ADGB: variants seen among roughly 807,000 people sequenced by gnomAD.
ADGB encodes the protein calpain-7-like protein.
A neutral mutation model predicts 210.5 loss-of-function variants in ADGB; 172 were observed. The ratio of observed to expected loss-of-function variants is 0.82; its 90% confidence interval spans 0.72 to 0.93. The LOEUF (loss-of-function observed/expected upper bound fraction) is 0.93, where lower values mean the gene tolerates loss of function less well. Among genes scored for constraint, ADGB ranks in the 40% least tolerant of loss-of-function variants. The probability of loss-of-function intolerance (pLI) is 0.00; values close to 1 mark genes in which losing one functional copy is unlikely to be tolerated. For missense variants in ADGB, 2,025 were observed against 1,964.8 expected, an observed-to-expected ratio of 1.03 and a Z score of -0.58; for synonymous variants, 658 against 662.7, an observed-to-expected ratio of 0.99 and a Z score of 0.11.
chr6:146,669,648 T>A lies in ADGB; in HGVS notation c.840-2572T>A, dbSNP rs145334193. On this transcript the variant is annotated intron_variant, in intron 7 of 35. Coordinates refer to ENST00000397944, the MANE Select transcript of ADGB (RefSeq NM_024694.4). ...TTTTCTCCTTCTTATTTTCTGCTCT[T>A]TCTCAGGCTTCTTGGATAGTTCCTC... Among the ~76,000 whole-genome samples the A allele has an allele frequency of 1.3e-4, 20 of 152,216 alleles. No homozygotes were observed. In the East Asian group the frequency reaches 3.7e-3, roughly 28 times the overall value.
intron 1 of ADGB, among the ~76,000 whole-genome samples, chr6:146,632,444 C>T (rs759590972): frequency 2.6e-5 from 4 of 152,168 alleles, no homozygotes; most frequent in Non-Finnish European, 4.4e-5. Context: ...GATACTTAAT[C>T]ACATCTACAA....
chr6:146,633,937 A>G (rs540818079), intron 1 of ADGB, among the ~76,000 whole-genome samples: 1 of 152,250 alleles, frequency 6.6e-6, no homozygotes, highest in East Asian at 1.9e-4. Context: ...GGTCTTCAGT[A>G]GTGTACAGTA....
chr6:146,642,171 CTTA>C (rs1232524451), intron 2 of ADGB, among the ~76,000 whole-genome samples: 1 of 151,002 alleles, frequency 6.6e-6, no homozygotes, highest in Non-Finnish European at 1.5e-5. Context: ...CTCAATATTA[CTTA>C]TTATTAGAAA....
At chr6:146,659,072 C>T (rs909993810) in intron 5 of ADGB, among the ~76,000 whole-genome samples, 21 of 152,160 alleles carry the variant, frequency 1.4e-4, no homozygotes, top group Admixed American at 1.1e-3. Context: ...TATCTGTGTA[C>T]ATATTAACAT....
chr6:146,717,655 G>C, intron 16 of ADGB, 56 bp downstream of exon 16: 1 of 812,858 alleles, frequency 1.2e-6, no homozygotes, highest in Non-Finnish European at 1.8e-6. Flanking sequence ...AATTGCACCC[G>C]TAGAAAACAT....
chr6:146,805,341 C>T (rs1191144238), intron 35 of ADGB, among the ~76,000 whole-genome samples: 1 of 152,182 alleles, frequency 6.6e-6, no homozygotes, highest in Non-Finnish European at 1.5e-5. Flanking sequence ...CACTGTGAGG[C>T]AATGCATTTC....
chr6:146,807,655 C>G, intron 35 of ADGB: 1 of 1,260,974 alleles, frequency 7.9e-7, no homozygotes, highest in Non-Finnish European at 1.1e-6. Flanking sequence ...CTTTAACTGC[C>G]TGCTGATAAG....
chr6:146,812,904 AG>A (rs1226870248), intron 35 of ADGB, among the ~76,000 whole-genome samples: 5 of 152,216 alleles, frequency 3.3e-5, no homozygotes, highest in Non-Finnish European at 7.3e-5. Flanking sequence ...AAGGTTGTGA[AG>A]AACAGCTATT....
rs141928900 is a variant in ADGB, at chr6:146,791,291, G to A, written c.4537+2681G>A. ...ACTGATATCATGGGCTGTTTCTCCT[G>A]TTTTTCTTCTAGTAGTTTTATACTT... On this transcript the variant is annotated intron_variant, in intron 33 of 35. Coordinates refer to ENST00000397944, the MANE Select transcript of ADGB (RefSeq NM_024694.4). Among the ~76,000 whole-genome samples, 21 of 152,170 alleles carry A rather than the reference G, an allele frequency of 1.4e-4. 1 individual carries two copies. In the East Asian group the frequency reaches 3.7e-3, roughly 27 times the overall value.
intron 24 of ADGB, among the ~76,000 whole-genome samples, 192 bp from the exon 25 acceptor site, chr6:146,740,926 G>C (rs1018795942): frequency 6.6e-6 from 1 of 151,998 alleles, no homozygotes; most frequent in African/African-American, 2.4e-5. Flanking sequence ...TTATAAAATT[G>C]ATTTTTTAAT....
chr6:146,706,797 A>G (rs1776576196), intron 13 of ADGB, among the ~76,000 whole-genome samples: 1 of 144,244 alleles, frequency 6.9e-6, no homozygotes, highest in African/African-American at 2.6e-5. Flanking sequence ...TAATTAGTCT[A>G]GCAAAAGGTT....
At chr6:146,618,710 A>G (rs1780839651) in intron 1 of ADGB, among the ~76,000 whole-genome samples, 1 of 152,082 alleles carries the variant, frequency 6.6e-6, no homozygotes, top group African/African-American at 2.4e-5. Flanking sequence ...ATAGTCAGAA[A>G]AGATACTTGA....
intron 1 of ADGB, among the ~76,000 whole-genome samples, chr6:146,621,662 C>T (rs1006411673): frequency 2.0e-5 from 3 of 152,090 alleles, no homozygotes; most frequent in African/African-American, 7.2e-5. Flanking sequence ...ATATTCTTGT[C>T]TTTTAATAGT....
At chr6:146,627,568 T>C (rs987130663) in intron 1 of ADGB, among the ~76,000 whole-genome samples, 1 of 152,124 alleles carries the variant, frequency 6.6e-6, no homozygotes, top group Admixed American at 6.6e-5. Context: ...AAGATACTTT[T>C]CCCAGTATCC....
chr6:146,601,545 G>C (rs375292050), intron 1 of ADGB, among the ~76,000 whole-genome samples: 19 of 152,336 alleles, frequency 1.2e-4, no homozygotes, highest in East Asian at 9.6e-4. Context: ...AGGGATCAAA[G>C]TCTAGCAAGG....
intron 15 of ADGB, among the ~76,000 whole-genome samples, chr6:146,717,280 T>C (rs1455802003): frequency 1.3e-5 from 2 of 152,212 alleles, no homozygotes; most frequent in African/African-American, 2.4e-5. Flanking sequence ...AATAAATATA[T>C]TGATTATCCA....
chr6:146,766,413 C>T (rs141306400), intron 28 of ADGB, among the ~76,000 whole-genome samples: 2 of 145,656 alleles, frequency 1.4e-5, no homozygotes, highest in African/African-American at 5.4e-5. Context: ...GGCGACAGAG[C>T]GAGGCTCTGT....
At chr6:146,744,393 C>T (rs753794144) in intron 25 of ADGB, among the ~76,000 whole-genome samples, 1 of 152,166 alleles carries the variant, frequency 6.6e-6, no homozygotes, top group South Asian at 2.1e-4. Flanking sequence ...TATGCCTGCC[C>T]GAAATTCATA....
At chr6:146,799,800 T>TTTG (rs966263828) in intron 33 of ADGB, among the ~76,000 whole-genome samples, 64 of 151,692 alleles carry the variant, frequency 4.2e-4, no homozygotes, top group East Asian at 5.8e-4. Flanking sequence ...AACTGTTTCT[T>TTTG]TTGTTGTTGT....
Sources: gnomAD v4.1 joint callset for allele counts (sites outside exome capture counted in the v4.1 genomes callset) on GRCh38, gnomAD v4.1.1 for gene constraint, MANE v1.5 for transcripts, NCBI Gene and HGNC (gene_info 2026-07-23, HGNC 2026-07-21) for gene names.